The following DSCAM variants were observed in gnomAD, a reference collection of about 807,000 sequenced individuals.
DSCAM encodes the protein cell adhesion molecule DSCAM.
Under a neutral mutation model 217.7 loss-of-function variants are expected in DSCAM, and 47 were observed. That is an observed-to-expected ratio of 0.22 (90% CI 0.17 to 0.28). The LOEUF is 0.28. DSCAM is among the 10% of genes least tolerant of loss of function. The pLI is 1.00. For synonymous variants in DSCAM, 1,056 were observed against 1,015.3 expected (o/e 1.04, Z -0.76); for missense variants, 2,080 against 2,618.3 (o/e 0.79, Z 4.49).
chr21:40,066,344 C>G (rs2089206801), intron 27 of DSCAM, among the ~76,000 whole-genome samples: 1 of 152,242 alleles, frequency 6.6e-6, no homozygotes, highest in South Asian at 2.1e-4. Context: ...CATTTGCCAG[C>G]TGTTCAGATA....
chr21:40,319,818 G>T (rs2074240463), intron 8 of DSCAM, among the ~76,000 whole-genome samples: 1 of 152,062 alleles, frequency 6.6e-6, no homozygotes, highest in Non-Finnish European at 1.5e-5. Flanking sequence ...CTCAGAGTGG[G>T]CACCAAGAGA....
At chr21:40,065,929 G>A (rs1327129189) in intron 27 of DSCAM, among the ~76,000 whole-genome samples, 10 of 152,262 alleles carry the variant, frequency 6.6e-5, no homozygotes, top group Middle Eastern at 3.4e-3. Flanking sequence ...GCTGTCATCC[G>A]GCTCCGCTGC....
intron 11 of DSCAM, 97 bp downstream of exon 11, chr21:40,276,000 G>A: frequency 7.8e-7 from 1 of 1,279,720 alleles, no homozygotes; most frequent in Non-Finnish European, 1.0e-6. Flanking sequence ...CTTTTGTGTT[G>A]CTTTTAAACA....
intron 1 of DSCAM, among the ~76,000 whole-genome samples, chr21:40,780,702 C>T (rs1287168020): frequency 1.3e-5 from 2 of 151,848 alleles, no homozygotes; most frequent in African/African-American, 4.8e-5. Flanking sequence ...GATGCAGGAA[C>T]ATGTAGAGGG....
In DSCAM at chr21:40,212,530, T is replaced by C. The variant is rs1046218289; in HGVS notation, c.2357-23292A>G. ...ACACACCCCTGTGCATATTTCAGGC[T>C]GCTTTCTATCTTGTTTTTCACCATT... On this transcript the variant is annotated intron_variant, in intron 11 of 32. Transcript: ENST00000400454. 2.0e-5 allele frequency: 3 copies of C among 153,752 alleles called. No individual in the cohort carries two copies. The Admixed American group carries it at 2.0e-4, about 10-fold the overall frequency. 9.5% of individuals were successfully genotyped at this position (153,752 alleles called of 1,614,324 possible).
rs182407129 is a variant in DSCAM at position 40,143,867 on chromosome 21, A to G, written c.3259+624T>C. Among the ~76,000 whole-genome samples, 284 of 152,274 alleles carry G rather than the reference A, an allele frequency of 1.9e-3. 1 individual carries two copies. Among genetic ancestry groups the G allele is most frequent in the African/African-American group, 6.4e-3 (266 of 41,552 alleles). On this transcript the variant is annotated intron_variant, in intron 17 of 32. Coordinates refer to ENST00000400454, the MANE Select transcript of DSCAM (RefSeq NM_001389.5). ...CCAGCTTCCTGCCTTCAAAGCTACC[A>G]CTTATTGCTACAAATAACCCCATAT...
At chr21:40,398,379 CT>C (rs1202821540) in intron 3 of DSCAM, among the ~76,000 whole-genome samples, 1 of 152,188 alleles carries the variant, frequency 6.6e-6, no homozygotes, top group African/African-American at 2.4e-5. Context: ...GTTTTCTCCC[CT>C]GTGCTCACTC....
chr21:40,493,055 C>T (rs996699707), intron 3 of DSCAM, among the ~76,000 whole-genome samples: 33 of 152,236 alleles, frequency 2.2e-4, no homozygotes, highest in African/African-American at 7.9e-4. Context: ...AGAAACCTTA[C>T]AAACCAGGAG....
At chr21:40,448,855 A>G (rs1225161613) in intron 3 of DSCAM, among the ~76,000 whole-genome samples, 1 of 152,182 alleles carries the variant, frequency 6.6e-6, no homozygotes, top group Non-Finnish European at 1.5e-5. Context: ...TGTTGCTGCT[A>G]TAACAAACTG....
Position 40,758,192 on chromosome 21 carries a change from C to T in DSCAM, c.44-49421G>A, listed in dbSNP as rs117641556. ...ACCAGGAGCTTCAGAGGGAGACCAC[C>T]GTGCTCACACCTTGACTTTAGACTT... On this transcript the variant is annotated intron_variant, in intron 1 of 32. Coordinates refer to ENST00000400454, the MANE Select transcript of DSCAM (RefSeq NM_001389.5). Among the ~76,000 whole-genome samples the T allele has an allele frequency of 2.6e-5, 4 of 151,534 alleles. No individual in the cohort carries two copies. The East Asian group carries it at 5.9e-4, about 22-fold the overall frequency.
intron 1 of DSCAM, among the ~76,000 whole-genome samples, chr21:40,764,632 T>C (rs1206762638): frequency 6.6e-6 from 1 of 152,212 alleles, no homozygotes; most frequent in African/African-American, 2.4e-5. Context: ...ATCATTCTAC[T>C]ATAAAGACAC....
At chr21:40,693,064 C>CAT in intron 2 of DSCAM, 108 bp from the exon 3 acceptor site, 1 of 1,272,156 alleles carries the variant, frequency 7.9e-7, no homozygotes, top group Non-Finnish European at 1.1e-6. Flanking sequence ...AATTGCATAA[C>CAT]ATATCTTTCT....
At chr21:40,808,943 C>T (rs530213677) in intron 1 of DSCAM, among the ~76,000 whole-genome samples, 3 of 152,290 alleles carry the variant, frequency 2.0e-5, no homozygotes, top group East Asian at 1.9e-4. Context: ...CCTTAACCTG[C>T]GCCTAGCATC....
chr21:40,227,276 C>G (rs375138476), intron 11 of DSCAM, among the ~76,000 whole-genome samples: 1 of 152,204 alleles, frequency 6.6e-6, no homozygotes, highest in Non-Finnish European at 1.5e-5. Flanking sequence ...TGGAAGGCTT[C>G]GAGCTTTTCC....
At chr21:40,036,290 G>C (rs1397451554) in intron 32 of DSCAM, among the ~76,000 whole-genome samples, 1 of 149,648 alleles carries the variant, frequency 6.7e-6, no homozygotes, top group Non-Finnish European at 1.5e-5. Flanking sequence ...AAGAGAAAAA[G>C]AGAGAAGAAT....
intron 11 of DSCAM, among the ~76,000 whole-genome samples, chr21:40,216,222 T>C (rs2146893199): frequency 6.6e-6 from 1 of 152,036 alleles, no homozygotes; most frequent in Non-Finnish European, 1.5e-5. Context: ...ACCTCAGCCG[T>C]CTGCCCAAGT....
chr21:40,846,488 C>A, intron 1 of DSCAM, 131 bp downstream of exon 1: 1 of 332,038 alleles, frequency 3.0e-6, no homozygotes, highest in Non-Finnish European at 5.1e-6. Flanking sequence ...AATAAAAGCA[C>A]GAAATTTTAA....
intron 28 of DSCAM, among the ~76,000 whole-genome samples, chr21:40,060,468 G>A (rs550274165): frequency 5.3e-5 from 8 of 152,150 alleles, no homozygotes; most frequent in Non-Finnish European, 1.0e-4. Flanking sequence ...GATAGGGGAG[G>A]GGGCCAGGGT....
At chr21:40,518,509 A>T (rs57879009) in intron 3 of DSCAM, among the ~76,000 whole-genome samples, 4 of 11,558 alleles carry the variant, frequency 3.5e-4, no homozygotes, top group South Asian at 3.2e-3. Context: ...TTATATATAT[A>T]ATATATATAA....
Sources: allele counts gnomAD v4.1 joint callset (sites outside exome capture counted in the v4.1 genomes callset), GRCh38; gene constraint gnomAD v4.1.1; transcripts MANE v1.5; gene names NCBI Gene and HGNC (gene_info 2026-07-23, HGNC 2026-07-21).